TRAPPC13: variants seen among roughly 807,000 people sequenced by gnomAD.
TRAPPC13 encodes the protein trafficking protein particle complex subunit 13, also known as REV7-interacting novel NHEJ regulator 1.
TRAPPC13 carries 39 observed loss-of-function variants against 54.0 expected under a neutral mutation model. The observed-to-expected ratio is 0.72, with a 90% CI of 0.56 to 0.94. TRAPPC13 has a LOEUF of 0.94. Among genes scored for constraint, TRAPPC13 ranks in the 40% least tolerant of loss-of-function variants. The pLI is 0.00. For synonymous variants in TRAPPC13, 148 were observed against 167.7 expected (o/e 0.88, Z 0.91); for missense variants, 386 against 488.1 (o/e 0.79, Z 1.97).
intron 1 of TRAPPC13, among the ~76,000 whole-genome samples, chr5:65,627,308 A>G (rs1431241903): frequency 2.0e-5 from 3 of 151,960 alleles, no homozygotes; most frequent in Non-Finnish European, 2.9e-5. Flanking sequence ...CTGAATGCCA[A>G]ATGTATTAAT....
chr5:65,660,969 CT>C, intron 10 of TRAPPC13, 72 bp downstream of exon 10: 1 of 1,278,824 alleles, frequency 7.8e-7, no homozygotes, highest in Non-Finnish European at 1.1e-6. Flanking sequence ...TTAATTTTTT[CT>C]ACATCCAGCA....
intron 10 of TRAPPC13, 86 bp from the exon 11 acceptor site, chr5:65,661,964 T>G: frequency 1.2e-6 from 1 of 846,576 alleles, no homozygotes; most frequent in Non-Finnish European, 1.8e-6. Context: ...CAACAGCTGT[T>G]GAGTAAATGT....
At chr5:65,664,456 T>A (rs527927760) in intron 12 of TRAPPC13, 48 bp from the exon 13 acceptor site, 84 of 1,595,428 alleles carry the variant, frequency 5.3e-5, no homozygotes, top group Non-Finnish European at 6.9e-5. Flanking sequence ...TGTCTGTATT[T>A]CCTCTGAATG....
Position 65,647,182 on chromosome 5 carries a change from T to G in TRAPPC13, c.428T>G (p.Ile143Ser). ...GAAGTCAAAGAAATTGGAACACACA[T>G]GTAAGGATTAATTTTATTAGTTCTC... The part of the protein sequence containing the change: ...HHEVKEIGTH[I>S]LVCAVSYTTQ... The change falls in exon 5 of 13, where the codon ATC (isoleucine) becomes AGC (serine). Residue 143 changes from isoleucine (I) to serine (S), a missense_variant and splice_region_variant. Ile to Ser is a moderately radical substitution (Grantham distance 142). Transcript: ENST00000399438. 1 of 1,576,134 alleles carries G rather than the reference T, an allele frequency of 6.3e-7. No individual in the cohort carries two copies. Among genetic ancestry groups the G allele is most frequent in the Non-Finnish European group, 8.6e-7 (1 of 1,162,126 alleles).
At chr5:65,629,821 T>G in intron 1 of TRAPPC13, 1 of 1,536,064 alleles carries the variant, frequency 6.5e-7, no homozygotes, top group East Asian at 2.4e-5. Context: ...CAGAACATGA[T>G]GCTAAGTCAC....
intron 2 of TRAPPC13, 84 bp downstream of exon 2, chr5:65,635,453 C>A: frequency 9.0e-7 from 1 of 1,111,158 alleles, no homozygotes; most frequent in Non-Finnish European, 1.3e-6. Context: ...AAGCCTAGCC[C>A]TGTAAATTTT....
At chr5:65,639,347 A>G (rs891325991) in intron 4 of TRAPPC13, among the ~76,000 whole-genome samples, 1 of 151,624 alleles carries the variant, frequency 6.6e-6, no homozygotes, top group African/African-American at 2.4e-5. Flanking sequence ...TTTAAAATGG[A>G]CAAAAAAATT....
chr5:65,634,972 A>T, intron 1 of TRAPPC13: 13 of 898,498 alleles, frequency 1.4e-5, no homozygotes, highest in Non-Finnish European at 1.7e-5. Context: ...GAAATCACTT[A>T]GAATTTTTTT....
chr5:65,629,378 T>G, intron 1 of TRAPPC13: 2 of 996,362 alleles, frequency 2.0e-6, no homozygotes, highest in Non-Finnish European at 2.6e-6. Context: ...TTGGGATTGG[T>G]TTTTGTTTTT....
At chr5:65,651,616 G>A (rs980621903) in intron 6 of TRAPPC13, among the ~76,000 whole-genome samples, 1 of 143,856 alleles carries the variant, frequency 7.0e-6, no homozygotes, top group Non-Finnish European at 1.5e-5. Flanking sequence ...ATCAAAAATA[G>A]TTTCAAAACA....
intron 9 of TRAPPC13, among the ~76,000 whole-genome samples, chr5:65,660,099 A>G (rs1053771137): frequency 3.3e-5 from 5 of 152,054 alleles, no homozygotes; most frequent in Non-Finnish European, 5.9e-5. Context: ...AGAAAAGTTC[A>G]TAGCCTCTTT....
At position 65,629,842 on chromosome 5, in the gene TRAPPC13, T is replaced by C. The variant is rs765951607; in HGVS notation, c.46+4736T>C. 68 of 1,535,944 alleles carry C rather than the reference T, an allele frequency of 4.4e-5. 2 individuals carry two copies. Among genetic ancestry groups the C allele is most frequent in the South Asian group, 4.2e-4 (35 of 84,064 alleles). ...ATGATGCTAAGTCACACAGTTATGA[T>C]TGCACAGTAGATCTATTGGAGTTTC... On this transcript the variant is annotated intron_variant, in intron 1 of 12. Transcript: ENST00000399438.
intron 6 of TRAPPC13, 54 bp downstream of exon 6, chr5:65,650,936 G>GT: frequency 7.8e-7 from 1 of 1,286,862 alleles, no homozygotes; most frequent in Non-Finnish European, 1.1e-6. Context: ...CTTCCTGGTA[G>GT]TATACAGTTA....
At chr5:65,629,650 A>T in intron 1 of TRAPPC13, 1 of 1,536,058 alleles carries the variant, frequency 6.5e-7, no homozygotes. Flanking sequence ...AACTGCCAAA[A>T]ATTGCAGAAA....
In TRAPPC13 at chr5:65,643,959, A is replaced by G. The variant is rs562306453; in HGVS notation, c.301-3096A>G. The stretch of plus-strand genomic sequence containing the variant: ...TGCTCAGGAAGTTCTTGTGGGTACA[A>G]TATTCTCTGAGCCCTTGTTCAAAGA... On this transcript the variant is annotated intron_variant, in intron 4 of 12. Transcript: ENST00000399438. Among the ~76,000 whole-genome samples the G allele has an allele frequency of 5.4e-3, 818 of 152,250 alleles. 4 individuals are homozygous for G. The highest frequency in any genetic ancestry group is 9.4e-3 in the Non-Finnish European group (641 of 68,020).
intron 4 of TRAPPC13, 107 bp from the exon 5 acceptor site, chr5:65,646,948 T>G (rs1370929268): frequency 2.8e-6 from 3 of 1,087,272 alleles, no homozygotes; most frequent in Non-Finnish European, 3.8e-6. Flanking sequence ...CCTTTCATCC[T>G]TCTTTCCTAA....
At chr5:65,651,785 T>A (rs1756454504) in intron 6 of TRAPPC13, among the ~76,000 whole-genome samples, 1 of 147,452 alleles carries the variant, frequency 6.8e-6, no homozygotes, top group Admixed American at 6.8e-5. Context: ...AAATCTGCCA[T>A]TCTTTTGCTG....
At chr5:65,654,185 C>G (rs774787587) in intron 7 of TRAPPC13, among the ~76,000 whole-genome samples, 5 of 152,018 alleles carry the variant, frequency 3.3e-5, no homozygotes, top group Admixed American at 1.3e-4. Context: ...GCTAGTTTTT[C>G]TATAAACATT....
chr5:65,632,098 T>G (rs1182128267), intron 1 of TRAPPC13, among the ~76,000 whole-genome samples: 2 of 150,754 alleles, frequency 1.3e-5, no homozygotes, highest in Admixed American at 1.3e-4. Context: ...CTACAAAAAT[T>G]AACCGGGCAT....
Sources: gnomAD v4.1 joint callset for allele counts (sites outside exome capture counted in the v4.1 genomes callset) on GRCh38, gnomAD v4.1.1 for gene constraint, MANE v1.5 for transcripts, NCBI Gene and HGNC (gene_info 2026-07-23, HGNC 2026-07-21) for gene names.